The following ZNF519 variants were observed in gnomAD, a reference collection of about 807,000 sequenced individuals.
ZNF519 encodes zinc finger protein 519.
ZNF519 carries 7 observed loss-of-function variants against 7.4 expected under a neutral mutation model. The observed-to-expected ratio is 0.94, with a 90% CI of 0.54 to 1.77. The LOEUF is 1.77. Among genes scored for constraint, ZNF519 ranks in the 40% most tolerant of loss-of-function variants. ZNF519 has a pLI of 0.00. For synonymous variants in ZNF519, 179 were observed against 203.3 expected (o/e 0.88, Z 1.02); for missense variants, 586 against 623.1 (o/e 0.94, Z 0.63).
chr18:14,091,534 A>G (rs573657268), intron 2 of ZNF519, among the ~76,000 whole-genome samples: 60 of 152,290 alleles, frequency 3.9e-4, no homozygotes, highest in Non-Finnish European at 6.5e-4. Context: ...CAGGAGTAAC[A>G]TGAGATCAGT....
At chr18:14,086,803 GACCACAGTTGAAAAATGTAATGA>G (rs1301711887) in intron 2 of ZNF519, among the ~76,000 whole-genome samples, 1 of 152,136 alleles carries the variant, frequency 6.6e-6, no homozygotes, top group Non-Finnish European at 1.5e-5. Context: ...AAGCAGCAGT[GACCACAGTTGAAAAATGTAATGA>G]ACCAAATAAA....
chr18:14,123,154 AG>A (rs1333160374), intron 2 of ZNF519: 1 of 257,736 alleles, frequency 3.9e-6, no homozygotes, highest in East Asian at 1.0e-4. Context: ...TCAAATTGTA[AG>A]GCTCTTTTCT....
intron 3 of ZNF519, among the ~76,000 whole-genome samples, chr18:14,083,522 T>C (rs2046077857): frequency 6.6e-6 from 1 of 152,226 alleles, no homozygotes. Flanking sequence ...AAAGCAATTA[T>C]GAAATGAAAC....
At chr18:14,094,375 A>G (rs1156990398) in intron 2 of ZNF519, among the ~76,000 whole-genome samples, 2 of 152,238 alleles carry the variant, frequency 1.3e-5, no homozygotes, top group Admixed American at 6.5e-5. Context: ...GATCTTTTAT[A>G]AAACCGGCTT....
At chr18:14,097,291 T>G (rs1055671875), downstream of ZNF519, among the ~76,000 whole-genome samples, 1 of 152,180 alleles carries the variant, frequency 6.6e-6, no homozygotes, top group Non-Finnish European at 1.5e-5. Flanking sequence ...ATACTAGTAT[T>G]TTTCTTTTCA....
downstream of ZNF519, chr18:14,074,681 A>C (rs2046040997): frequency 6.6e-6 from 1 of 152,308 alleles, no homozygotes; most frequent in Non-Finnish European, 1.5e-5. Flanking sequence ...TCCATCTGAG[A>C]CCACCTTAGC....
intron 4 of ZNF519, among the ~76,000 whole-genome samples, chr18:14,077,749 A>G (rs1189084874): frequency 6.6e-6 from 1 of 152,148 alleles, no homozygotes; most frequent in Non-Finnish European, 1.5e-5. Flanking sequence ...ACTGACCACA[A>G]GGCAGTGTGT....
Position 14,106,207 on chromosome 18 carries a change from T to C in ZNF519, c.333A>G (p.Lys111=), listed in dbSNP as rs1213549593. Residue 111 remains lysine (K), a synonymous_variant, in exon 3 of 3, where the codon AAA becomes AAG. Transcript: ENST00000590202. ...CTTTGTCTCCTTTCACAGTTAAATG[T>C]TTGTTATGACTAGTTGTCAAATATT... is the stretch of plus-strand genomic sequence containing the variant. ...CSQYLTTSHN[K]HLTVKGDKEY... The C allele has an allele frequency of 1.2e-6, 2 of 1,613,092 alleles. No homozygotes were observed. The highest frequency in any genetic ancestry group is 1.7e-5 in the Admixed American group (1 of 59,800).
rs759537147 is a variant in ZNF519, at chr18:14,105,835, G to C, written c.705C>G (p.Ser235Arg). 9.4e-6 allele frequency: 15 copies of C among 1,603,014 alleles called. No homozygotes were observed. In the South Asian group the frequency reaches 1.6e-4, roughly 17 times the overall value. ...TACATTTTTTATTACATCTTTGTGA[G>C]CTCTCTCCAATATAAATTCTTTGAT... Reference protein sequence around the residue: ...TQHQRIYIGESSQRCNKKCII... With the variant: ...TQHQRIYIGERSQRCNKKCII... Residue 235 changes from serine to arginine, a missense_variant, in exon 3 of 3, where the codon AGC (serine) becomes AGG (arginine). Physicochemically the swap from Ser to Arg is moderately radical, Grantham distance 110. Coordinates refer to ENST00000590202, the MANE Select transcript of ZNF519 (RefSeq NM_145287.4).
intron 1 of ZNF519, among the ~76,000 whole-genome samples, chr18:14,131,152 GA>G (rs1219518742): frequency 2.0e-5 from 3 of 152,262 alleles, no homozygotes; most frequent in Non-Finnish European, 4.4e-5. Flanking sequence ...TCAATCCCAA[GA>G]TGGCCTAATA....
intron 2 of ZNF519, chr18:14,090,031 G>A (rs2046107684): frequency 6.6e-6 from 1 of 152,286 alleles, no homozygotes; most frequent in African/African-American, 2.4e-5. Context: ...TGGACGAGGT[G>A]ACTGTGGAGA....
chr18:14,123,407 G>C (rs187812961), intron 2 of ZNF519, among the ~76,000 whole-genome samples: 12 of 152,194 alleles, frequency 7.9e-5, no homozygotes, highest in African/African-American at 2.9e-4. Flanking sequence ...CCACTACCCA[G>C]TACTATCGAA....
At chr18:14,124,177 T>TAAAAA (rs199578474) in intron 2 of ZNF519, 173 bp downstream of exon 2, 32 of 392,154 alleles carry the variant, frequency 8.2e-5, no homozygotes, top group African/African-American at 5.9e-4. Context: ...CTGTCTCAAT[T>TAAAAA]AAAAAAAAAA....
intron 3 of ZNF519, among the ~76,000 whole-genome samples, chr18:14,079,361 T>C (rs982980720): frequency 1.3e-5 from 2 of 152,184 alleles, no homozygotes; most frequent in African/African-American, 4.8e-5. Flanking sequence ...ATATTCAGAG[T>C]AATTCCAATA....
rs1811100703 is a variant in ZNF519 at position 14,106,033 on chromosome 18, A to G, written c.507T>C (p.Ser169=). Residue 169 remains serine, a synonymous_variant, in exon 3 of 3, where the codon AGT becomes AGC. Coordinates refer to ENST00000590202, the MANE Select transcript of ZNF519 (RefSeq NM_145287.4). Reference sequence around the variant, plus strand: ...CTAGAAAATGAGTACTATGATGTTTACTAATATTTGAGTCATGGTTAAAAT... The same window carrying G: ...CTAGAAAATGAGTACTATGATGTTTGCTAATATTTGAGTCATGGTTAAAAT... The part of the protein sequence containing the change: ...QINFNHDSNI[S]KHHSTHFLEN... 1 of 1,582,008 alleles carries G rather than the reference A, an allele frequency of 6.3e-7. No homozygotes were observed. The highest frequency in any genetic ancestry group is 8.6e-7 in the Non-Finnish European group (1 of 1,162,080).
At chr18:14,098,559 G>A (rs16941602), downstream of ZNF519, among the ~76,000 whole-genome samples, 1 of 152,162 alleles carries the variant, frequency 6.6e-6, no homozygotes, top group Non-Finnish European at 1.5e-5. Context: ...CAGGATAGCA[G>A]TGGATATTCA....
At chr18:14,121,082 C>T (rs2046267790) in intron 2 of ZNF519, among the ~76,000 whole-genome samples, 1 of 151,952 alleles carries the variant, frequency 6.6e-6, no homozygotes, top group Non-Finnish European at 1.5e-5. Flanking sequence ...AAGGCAAACA[C>T]AGAAAGACAA....
In ZNF519 at chr18:14,102,406, T is replaced by C. The variant is rs1156244577; in HGVS notation, c.*2511A>G. Reference sequence around the variant, plus strand: ...CTAGTCTCGAACTCCTGACCTCAGGTGATCCACCCACCTGGGCCTCCCGAA... The same window carrying C: ...CTAGTCTCGAACTCCTGACCTCAGGCGATCCACCCACCTGGGCCTCCCGAA... On this transcript the variant is annotated 3_prime_UTR_variant, in exon 3 of 3. Transcript: ENST00000590202. 1.3e-5 allele frequency: 2 copies of C among 152,130 alleles called. No homozygotes were observed. Among genetic ancestry groups the C allele is most frequent in the Non-Finnish European group, 2.9e-5 (2 of 68,050 alleles). The allele number at this position is 152,130 out of a possible 1,614,324, so 9.4% of individuals were successfully genotyped here.
intron 2 of ZNF519, among the ~76,000 whole-genome samples, chr18:14,088,475 T>A (rs188478724): frequency 1.3e-5 from 2 of 152,316 alleles, no homozygotes; most frequent in Admixed American, 1.3e-4. Flanking sequence ...TATTTTATTG[T>A]TCATGGCTAA....
Sources: gnomAD v4.1 joint callset for allele counts (sites outside exome capture counted in the v4.1 genomes callset) on GRCh38, gnomAD v4.1.1 for gene constraint, MANE v1.5 for transcripts, NCBI Gene and HGNC (gene_info 2026-07-23, HGNC 2026-07-21) for gene names.